The following PKD1L1 variants were observed in gnomAD, a reference collection of about 807,000 sequenced individuals.
PKD1L1 encodes the protein polycystin 1 like 1, transient receptor potential channel interacting, also known as polycystin-1-like protein 1.
PKD1L1 carries 236 observed loss-of-function variants against 323.4 expected under a neutral mutation model. The ratio of observed to expected loss-of-function variants is 0.73; its 90% confidence interval spans 0.66 to 0.81. The LOEUF (loss-of-function observed/expected upper bound fraction) is 0.81, where lower values mean the gene tolerates loss of function less well. PKD1L1 is among the 40% of genes least tolerant of loss of function. The pLI, the probability that PKD1L1 is intolerant of heterozygous loss-of-function variation, is 0.00. For synonymous variants in PKD1L1, 1,344 were observed against 1,335.0 expected (o/e 1.01, Z -0.15); for missense variants, 3,320 against 3,508.0 (o/e 0.95, Z 1.35).
Position 47,840,466 on chromosome 7 carries a change from G to A in PKD1L1, c.5547C>T (p.Ile1849=), listed in dbSNP as rs1260632079. ...AGTGAAATATTTTGGAATACCTCAG[G>A]ATAAAGGTGTGTCTGGAATTCCTTT... ...LFERNSRHTF[I]LSAPAQLGLL... Residue 1849 remains isoleucine (I), a synonymous_variant, in exon 35 of 57, where the codon ATC becomes ATT. Transcript: ENST00000289672. The surrounding 1 kb of genome is among the most constrained non-coding windows in gnomAD (Gnocchi z 4.1). 6.2e-7 allele frequency: 1 copy of A among 1,612,286 alleles called. No individual in the cohort carries two copies. The highest frequency in any genetic ancestry group is 1.1e-5 in the South Asian group (1 of 91,050).
At chr7:47,796,698 C>A (rs1289379839) in intron 54 of PKD1L1, among the ~76,000 whole-genome samples, 7 of 152,008 alleles carry the variant, frequency 4.6e-5, no homozygotes, top group Non-Finnish European at 1.0e-4. Flanking sequence ...AAAAAATAAC[C>A]CAAACAGGGC....
intron 56 of PKD1L1, among the ~76,000 whole-genome samples, chr7:47,789,294 G>A (rs543946143): frequency 6.6e-6 from 1 of 152,234 alleles, no homozygotes; most frequent in Non-Finnish European, 1.5e-5. Flanking sequence ...TCAGTTTGTT[G>A]CATAATAAAC....
intron 16 of PKD1L1, among the ~76,000 whole-genome samples, chr7:47,889,100 G>A (rs1376362802): frequency 6.6e-6 from 1 of 152,126 alleles, no homozygotes; most frequent in African/African-American, 2.4e-5. Flanking sequence ...CTGTGTGTGT[G>A]TGTGAAAGGG....
rs151245497 is a variant in PKD1L1, at chr7:47,821,198, GTT to G, written c.6855-14_6855-13del. 6.4e-7 allele frequency: 1 copy of G among 1,556,796 alleles called. No homozygotes were observed. Among genetic ancestry groups the G allele is most frequent in the Non-Finnish European group, 8.9e-7 (1 of 1,128,364 alleles). On this transcript the variant is annotated splice_polypyrimidine_tract_variant and intron_variant, in intron 45 of 56. Transcript: ENST00000289672. ...CCATGGAAATGTCTCTGTAAGAAGA[GTT>G]TTTAAGTTAGCATCCATACAGACCC...
chr7:47,839,609 C>T lies in PKD1L1; in HGVS notation c.5606G>A (p.Arg1869His), dbSNP rs368771305. ...LRKIRLWHDS[R>H]GPSPGWFISH... The stretch of plus-strand genomic sequence containing the variant: ...GATGAACCAGCCTGGGGAAGGCCCA[C>T]GGCTGTCGTGCCAGAGGCGGATCTT... Residue 1869 changes from arginine to histidine, a missense_variant, in exon 36 of 57, where the codon CGT becomes CAT. Physicochemically the swap from Arg to His is conservative, Grantham distance 29 (BLOSUM62 0). Coordinates refer to ENST00000289672, the MANE Select transcript of PKD1L1 (RefSeq NM_138295.5). This position sits in a 1 kb window ranked among gnomAD's most constrained non-coding sequence, Gnocchi z 4.3. 1.3e-4 allele frequency: 203 copies of T among 1,592,600 alleles called. No individual in the cohort carries two copies. Among genetic ancestry groups the T allele is most frequent in the Non-Finnish European group, 1.5e-4 (170 of 1,169,772 alleles).
At chr7:47,916,237 G>T (rs1787427050) in intron 7 of PKD1L1, among the ~76,000 whole-genome samples, 1 of 152,140 alleles carries the variant, frequency 6.6e-6, no homozygotes, top group African/African-American at 2.4e-5. Flanking sequence ...CTGGAAAATT[G>T]GACTATTTTT....
chr7:47,869,177 G>C (rs146209943), intron 24 of PKD1L1, among the ~76,000 whole-genome samples: 51 of 152,144 alleles, frequency 3.4e-4, no homozygotes, highest in Admixed American at 9.2e-4. Context: ...AACATAAAAG[G>C]AGGCAGTAAA....
chr7:47,849,629 A>G (rs1176180670), intron 31 of PKD1L1, among the ~76,000 whole-genome samples: 1 of 152,218 alleles, frequency 6.6e-6, no homozygotes, highest in Non-Finnish European at 1.5e-5. Flanking sequence ...TAAAACCACA[A>G]TGAGATACCA....
intron 7 of PKD1L1, among the ~76,000 whole-genome samples, chr7:47,915,807 C>T (rs1003640512): frequency 6.6e-6 from 1 of 151,722 alleles, no homozygotes; most frequent in African/African-American, 2.4e-5. Context: ...ACTATAAGAG[C>T]CTATTTTGCT....
intron 7 of PKD1L1, among the ~76,000 whole-genome samples, chr7:47,922,194 A>G (rs1035219688): frequency 4.6e-5 from 7 of 152,212 alleles, no homozygotes; most frequent in African/African-American, 1.2e-4. Context: ...GATTGCAGAC[A>G]GAGTCTAGCT....
In PKD1L1 at chr7:47,905,980, GGA is replaced by G; in HGVS notation, c.1403-20_1403-19del. 6.4e-7 allele frequency: 1 copy of G among 1,565,074 alleles called. No individual in the cohort carries two copies. The highest frequency in any genetic ancestry group is 8.6e-7 in the Non-Finnish European group (1 of 1,157,586). ...CACAGTGCCTAAAATGAGAAAAAAA[GGA>G]GATAAGAGAAAAAGTCTTAAAATTA... On this transcript the variant is annotated intron_variant, in intron 9 of 56. Coordinates refer to ENST00000289672, the MANE Select transcript of PKD1L1 (RefSeq NM_138295.5).
intron 19 of PKD1L1, among the ~76,000 whole-genome samples, chr7:47,882,704 C>G (rs1786590597): frequency 6.6e-6 from 1 of 151,576 alleles, no homozygotes; most frequent in Admixed American, 6.6e-5. Context: ...GGAGGGAGGG[C>G]AGGAGGAGGA....
intron 46 of PKD1L1, 45 bp from the exon 47 acceptor site, chr7:47,815,502 G>T: frequency 1.9e-6 from 3 of 1,594,760 alleles, no homozygotes; most frequent in Non-Finnish European, 2.6e-6. Flanking sequence ...GCATCAACAA[G>T]AACAATGAAA....
chr7:47,889,796 G>A (rs1786768673), intron 16 of PKD1L1, among the ~76,000 whole-genome samples: 1 of 152,202 alleles, frequency 6.6e-6, no homozygotes, highest in African/African-American at 2.4e-5. Flanking sequence ...CAGAGGGTCA[G>A]TCCCAGCACT....
chr7:47,929,452 T>C lies in PKD1L1; in HGVS notation c.812A>G (p.Tyr271Cys), dbSNP rs767872611. 15 of 1,613,904 alleles carry C rather than the reference T, an allele frequency of 9.3e-6. No homozygotes were observed. The Admixed American group carries it at 1.2e-4, about 13-fold the overall frequency. Reference protein sequence around the residue: ...TASQSGSEILYPPTQHPPVAI... With the variant: ...TASQSGSEILCPPTQHPPVAI... The stretch of plus-strand genomic sequence containing the variant: ...CACAGGAGGATGCTGAGTAGGGGGA[T>C]AGAGGATCTCAGAACCAGACTGCGA... Residue 271 changes from tyrosine to cysteine, a missense_variant, in exon 7 of 57, where the codon TAT (tyrosine) becomes TGT (cysteine). Coordinates refer to ENST00000289672, the MANE Select transcript of PKD1L1 (RefSeq NM_138295.5).
At chr7:47,939,590 GCCCTGTTAGCTAC>G in intron 3 of PKD1L1, among the ~76,000 whole-genome samples, 1 of 152,318 alleles carries the variant, frequency 6.6e-6, no homozygotes, top group East Asian at 1.9e-4. Context: ...TCAGACCCAA[GCCCTGTTAGCTAC>G]TCTGATAAAC....
In PKD1L1 at chr7:47,839,542, C is replaced by A; in HGVS notation, c.5673G>T (p.Trp1891Cys). The A allele has an allele frequency of 6.2e-7, 1 of 1,610,416 alleles. No individual in the cohort carries two copies. Among genetic ancestry groups the A allele is most frequent in the Non-Finnish European group, 8.5e-7 (1 of 1,178,836 alleles). The change falls in exon 36 of 57, where the codon TGG (tryptophan) becomes TGT (cysteine). Residue 1891 changes from tryptophan to cysteine, a missense_variant. Trp to Cys is a radical substitution (Grantham distance 215). Transcript: ENST00000289672. The surrounding 1 kb of genome is among the most constrained non-coding windows in gnomAD (Gnocchi z 4.3). The stretch of plus-strand genomic sequence containing the variant: ...ACAGCCAGCACTGGGCAGGGAAGAA[C>A]CAGCCCTGTCCCGTGTGCAGCTCCT... ...MVKELHTGQG[W>C]FFPAQCWLSA...
At chr7:47,899,012 A>G (rs750662502) in intron 13 of PKD1L1, among the ~76,000 whole-genome samples, 67 of 152,360 alleles carry the variant, frequency 4.4e-4, no homozygotes, top group Admixed American at 7.8e-4. Flanking sequence ...TCTTTCCCTT[A>G]ATTACCAACA....
intron 49 of PKD1L1, among the ~76,000 whole-genome samples, chr7:47,812,766 C>T (rs1784928469): frequency 6.6e-6 from 1 of 152,214 alleles, no homozygotes; most frequent in South Asian, 2.1e-4. Flanking sequence ...AAAAGTAGCA[C>T]AGGGCCTATT....
Sources: allele counts gnomAD v4.1 joint callset (sites outside exome capture counted in the v4.1 genomes callset), GRCh38; gene constraint gnomAD v4.1.1; non-coding constraint Gnocchi (gnomAD v3.1); transcripts MANE v1.5; gene names NCBI Gene and HGNC (gene_info 2026-07-23, HGNC 2026-07-21).